Variants in TYW1 observed in about 807,000 individuals in gnomAD.
The protein encoded by TYW1 is S-adenosyl-L-methionine-dependent tRNA 4-demethylwyosine synthase TYW1.
Under a neutral mutation model 96.2 loss-of-function variants are expected in TYW1, and 46 were observed. The observed-to-expected ratio is 0.48, with a 90% CI of 0.38 to 0.61. The LOEUF is 0.61. Ranked by LOEUF, TYW1 falls within the 20% of genes least tolerant of loss-of-function variation. The pLI, the probability that TYW1 is intolerant of heterozygous loss-of-function variation, is 0.00. For synonymous variants in TYW1, 274 were observed against 323.0 expected, an observed-to-expected ratio of 0.85 and a Z score of 1.63; for missense variants, 684 against 909.6, an observed-to-expected ratio of 0.75 and a Z score of 3.19.
At chr7:67,081,380 G>T (rs1796388844) in intron 10 of TYW1, among the ~76,000 whole-genome samples, 2 of 147,712 alleles carry the variant, frequency 1.4e-5, no homozygotes, top group South Asian at 4.3e-4. Flanking sequence ...CTTTGTCATT[G>T]TCTTTTGACA....
chr7:67,161,727 G>A (rs1017319947), intron 13 of TYW1, among the ~76,000 whole-genome samples: 14 of 152,136 alleles, frequency 9.2e-5, no homozygotes, highest in African/African-American at 2.9e-4. Context: ...ATTTTGCATG[G>A]AAGGCTTAAT....
chr7:67,056,312 T>C (rs1210755779), intron 9 of TYW1, among the ~76,000 whole-genome samples: 1 of 152,082 alleles, frequency 6.6e-6, no homozygotes, highest in African/African-American at 2.4e-5. Context: ...GCCAAAATGG[T>C]GAAACCCCGT....
At chr7:67,010,536 C>T (rs978313883) in intron 4 of TYW1, among the ~76,000 whole-genome samples, 6 of 149,816 alleles carry the variant, frequency 4.0e-5, no homozygotes, top group East Asian at 2.0e-4. Flanking sequence ...AGTGTAGTGG[C>T]GCGATCTCAG....
chr7:67,173,018 G>A (rs1476830453), intron 13 of TYW1, among the ~76,000 whole-genome samples: 6 of 152,130 alleles, frequency 3.9e-5, no homozygotes, highest in African/African-American at 9.7e-5. Flanking sequence ...CTGAGTGACA[G>A]AGTGAAACCC....
At chr7:67,210,032 T>G (rs182364494) in intron 15 of TYW1, among the ~76,000 whole-genome samples, 2 of 152,240 alleles carry the variant, frequency 1.3e-5, no homozygotes, top group African/African-American at 4.8e-5. Flanking sequence ...CAATATTGAT[T>G]TGTGATTGTT....
Position 67,154,086 on chromosome 7 carries a change from A to AT in TYW1, c.1699-29032dup, listed in dbSNP as rs1258125765. ...CAGGTGCCTGCCACCACACCTGGCT[A>AT]TTTTTTTTGTATTTTTTAGTAGAGA... On this transcript the variant is annotated intron_variant, in intron 13 of 15. Coordinates refer to ENST00000359626, the MANE Select transcript of TYW1 (RefSeq NM_018264.4). Among the ~76,000 whole-genome samples the AT allele has an allele frequency of 1.8e-4, 27 of 151,560 alleles. 1 individual carries two copies. In the East Asian group the frequency reaches 4.7e-3, roughly 26 times the overall value.
At chr7:67,173,906 T>C (rs1392217970) in intron 13 of TYW1, among the ~76,000 whole-genome samples, 1 of 139,226 alleles carries the variant, frequency 7.2e-6, no homozygotes, top group Non-Finnish European at 1.6e-5. Flanking sequence ...CTTTATCTTG[T>C]TGATGTGATG....
At chr7:67,192,734 A>T (rs1224525446) in intron 14 of TYW1, among the ~76,000 whole-genome samples, 1 of 152,208 alleles carries the variant, frequency 6.6e-6, no homozygotes, top group Non-Finnish European at 1.5e-5. Context: ...CTGGAAGCCA[A>T]TACTAATTGA....
intron 7 of TYW1, among the ~76,000 whole-genome samples, chr7:67,037,504 C>CAAAA (rs570794125): frequency 1.2e-5 from 1 of 85,150 alleles, no homozygotes; most frequent in Non-Finnish European, 2.4e-5. Flanking sequence ...AACTCCGTCT[C>CAAAA]AAAAAAAAAA....
intron 13 of TYW1, among the ~76,000 whole-genome samples, chr7:67,171,569 T>A (rs1015122447): frequency 6.6e-6 from 1 of 152,192 alleles, no homozygotes; most frequent in African/African-American, 2.4e-5. Context: ...CTGAGAGAGA[T>A]GTGTACAAAT....
intron 7 of TYW1, among the ~76,000 whole-genome samples, chr7:67,027,171 G>A (rs1794478606): frequency 6.6e-6 from 1 of 151,602 alleles, no homozygotes; most frequent in Admixed American, 6.6e-5. Context: ...CTGCACCCCG[G>A]CCTGCATGAC....
chr7:67,172,720 G>A (rs903615822), intron 13 of TYW1, among the ~76,000 whole-genome samples: 1 of 152,166 alleles, frequency 6.6e-6, no homozygotes, highest in African/African-American at 2.4e-5. Flanking sequence ...ACTGTGCCCA[G>A]CTAAGACCTT....
intron 7 of TYW1, among the ~76,000 whole-genome samples, chr7:67,043,597 G>A (rs1196155821): frequency 6.6e-6 from 1 of 152,096 alleles, no homozygotes; most frequent in Admixed American, 6.6e-5. Context: ...GGAATAACAG[G>A]AAGCTAGTTT....
chr7:67,014,517 G>C lies in TYW1; in HGVS notation c.526G>C (p.Val176Leu). 5 of 1,613,682 alleles carry C rather than the reference G, an allele frequency of 3.1e-6. No individual in the cohort carries two copies. Among genetic ancestry groups the C allele is most frequent in the Non-Finnish European group, 4.2e-6 (5 of 1,179,796 alleles). Residue 176 changes from valine to leucine, a missense_variant, in exon 5 of 16, where the codon GTA becomes CTA. By Grantham distance (32) the Val-to-Leu change is conservative (BLOSUM62 1). Coordinates refer to ENST00000359626, the MANE Select transcript of TYW1 (RefSeq NM_018264.4). ...KTYLKGMRYA[V>L]FGLGNSAYAS... is the part of the protein sequence containing the mutation. ...TTACCTGAAGGGTATGAGATATGCG[G>C]TATTTGGCCTGGGAAATTCTGCCTA...
chr7:67,222,773 C>T (rs552761451), intron 15 of TYW1, among the ~76,000 whole-genome samples: 13 of 151,344 alleles, frequency 8.6e-5, no homozygotes, highest in South Asian at 2.1e-4. Flanking sequence ...TTCTCTCTGT[C>T]GTCTTCTGTC....
intron 4 of TYW1, among the ~76,000 whole-genome samples, chr7:67,010,907 G>A (rs1793775610): frequency 1.3e-5 from 2 of 152,140 alleles, no homozygotes; most frequent in South Asian, 4.2e-4. Flanking sequence ...TCTTAATTAA[G>A]GAAGGGTTGT....
intron 12 of TYW1, 79 bp from the exon 13 acceptor site, chr7:67,117,404 C>G: frequency 6.6e-7 from 1 of 1,506,730 alleles, no homozygotes. Flanking sequence ...ATGTCTATTA[C>G]AGATTGCAGG....
intron 13 of TYW1, among the ~76,000 whole-genome samples, chr7:67,128,237 G>T (rs1448661115): frequency 1.3e-5 from 2 of 152,014 alleles, no homozygotes; most frequent in African/African-American, 2.4e-5. Flanking sequence ...GTTTATTTCA[G>T]TCTTTTTTCA....
At chr7:67,175,749 C>A (rs1028652790) in intron 13 of TYW1, among the ~76,000 whole-genome samples, 28 of 152,248 alleles carry the variant, frequency 1.8e-4, no homozygotes, top group Admixed American at 9.8e-4. Context: ...TGATTAAAAT[C>A]TTGTAGCCAA....
Sources: allele counts gnomAD v4.1 joint callset (sites outside exome capture counted in the v4.1 genomes callset), GRCh38; gene constraint gnomAD v4.1.1; transcripts MANE v1.5; gene names NCBI Gene and HGNC (gene_info 2026-07-23, HGNC 2026-07-21).